LHFPL3: variants seen among roughly 807,000 people sequenced by gnomAD.
LHFPL3 encodes the protein LHFPL tetraspan subfamily member 3 protein.
Under a neutral mutation model 19.3 loss-of-function variants are expected in LHFPL3, and 5 were observed. The observed-to-expected ratio is 0.26, with a 90% CI of 0.14 to 0.54. LHFPL3 has a LOEUF of 0.54. Ranked by LOEUF, LHFPL3 falls within the 20% of genes least tolerant of loss-of-function variation. LHFPL3 has a pLI of 0.94. For missense variants in LHFPL3, 249 were observed against 307.4 expected, an observed-to-expected ratio of 0.81 and a Z score of 1.42; for synonymous variants, 133 against 126.2, an observed-to-expected ratio of 1.05 and a Z score of -0.36.
At chr7:104,449,473 G>A (rs1346039923) in intron 1 of LHFPL3, among the ~76,000 whole-genome samples, 1 of 152,142 alleles carries the variant, frequency 6.6e-6, no homozygotes, top group Non-Finnish European at 1.5e-5. Flanking sequence ...ATTGAAGTGG[G>A]AAATTAAAAT....
At chr7:104,896,505 A>C (rs543463657) in intron 2 of LHFPL3, among the ~76,000 whole-genome samples, 2 of 152,220 alleles carry the variant, frequency 1.3e-5, no homozygotes, top group Non-Finnish European at 2.9e-5. Context: ...AGATAAGAAC[A>C]GTTCAGGAAG....
At chr7:104,537,474 A>T (rs770591882) in intron 1 of LHFPL3, among the ~76,000 whole-genome samples, 9 of 152,094 alleles carry the variant, frequency 5.9e-5, no homozygotes, top group Non-Finnish European at 1.0e-4. Flanking sequence ...CTACTCAATT[A>T]TTATGGGTTC....
intron 1 of LHFPL3, among the ~76,000 whole-genome samples, chr7:104,674,405 T>C (rs944820035): frequency 4.6e-5 from 7 of 150,992 alleles, no homozygotes; most frequent in African/African-American, 1.7e-4. Context: ...ATTTTCGCTC[T>C]GTTGCCAGGC....
At chr7:104,729,342 C>T (rs903568136) in intron 1 of LHFPL3, among the ~76,000 whole-genome samples, 6 of 152,128 alleles carry the variant, frequency 3.9e-5, no homozygotes, top group Admixed American at 3.3e-4. Context: ...TCACCTCATA[C>T]ATTTATCATT....
intron 1 of LHFPL3, among the ~76,000 whole-genome samples, chr7:104,433,084 T>C (rs953428342): frequency 6.6e-6 from 1 of 152,224 alleles, no homozygotes; most frequent in African/African-American, 2.4e-5. Context: ...GACATGTATT[T>C]TTACCTTGTT....
chr7:104,582,804 A>G (rs1428910998), intron 1 of LHFPL3, among the ~76,000 whole-genome samples: 1 of 151,748 alleles, frequency 6.6e-6, no homozygotes, highest in East Asian at 1.9e-4. Flanking sequence ...GTTATAATGC[A>G]TTATCTTTTT....
intron 1 of LHFPL3, among the ~76,000 whole-genome samples, chr7:104,662,199 G>A (rs1792236106): frequency 1.3e-5 from 2 of 152,146 alleles, no homozygotes; most frequent in African/African-American, 4.8e-5. Flanking sequence ...ACAAATAAGG[G>A]GGAGACTACC....
At chr7:104,815,701 C>G (rs545680595) in intron 2 of LHFPL3, among the ~76,000 whole-genome samples, 1 of 152,228 alleles carries the variant, frequency 6.6e-6, no homozygotes, top group Non-Finnish European at 1.5e-5. Flanking sequence ...TTTAAGTCAG[C>G]CCAGATCTCC....
chr7:104,870,208 T>C (rs144291016), intron 2 of LHFPL3, among the ~76,000 whole-genome samples: 3,905 of 152,232 alleles, frequency 0.026, 85 homozygotes, highest in Middle Eastern at 0.061. Context: ...AACCTGCATG[T>C]TGTGCACATG....
intron 1 of LHFPL3, among the ~76,000 whole-genome samples, chr7:104,358,833 T>A (rs2116404580): frequency 6.6e-6 from 1 of 152,348 alleles, no homozygotes; most frequent in East Asian, 1.9e-4. Flanking sequence ...GCTGGATCTT[T>A]ATTGAGAGCT....
intron 1 of LHFPL3, among the ~76,000 whole-genome samples, chr7:104,446,892 C>A (rs1172786881): frequency 1.3e-5 from 2 of 152,230 alleles, no homozygotes; most frequent in Admixed American, 1.3e-4. Context: ...GATCTTAGCA[C>A]CTTTAGTCTG....
intron 1 of LHFPL3, among the ~76,000 whole-genome samples, chr7:104,713,065 G>A (rs995063509): frequency 6.6e-6 from 1 of 152,074 alleles, no homozygotes; most frequent in Non-Finnish European, 1.5e-5. Context: ...TCAGTACCAA[G>A]GCCTAGATCA....
At chr7:104,905,888 A>G (rs1792589581) in intron 2 of LHFPL3, among the ~76,000 whole-genome samples, 1 of 152,246 alleles carries the variant, frequency 6.6e-6, no homozygotes, top group African/African-American at 2.4e-5. Context: ...CAGAAAAGTC[A>G]GTGATACTTG....
At chr7:104,838,147 A>G (rs949742779) in intron 2 of LHFPL3, among the ~76,000 whole-genome samples, 1 of 152,166 alleles carries the variant, frequency 6.6e-6, no homozygotes, top group African/African-American at 2.4e-5. Context: ...TTGGTTCTCA[A>G]CTGGAGGGAT....
chr7:104,430,013 T>A (rs1212639781), intron 1 of LHFPL3, among the ~76,000 whole-genome samples: 1 of 152,134 alleles, frequency 6.6e-6, no homozygotes, highest in Non-Finnish European at 1.5e-5. Context: ...CAATGGCTCC[T>A]CAAACCGCTC....
intron 1 of LHFPL3, among the ~76,000 whole-genome samples, chr7:104,593,394 G>T (rs1279990870): frequency 1.3e-5 from 2 of 152,170 alleles, no homozygotes; most frequent in South Asian, 4.2e-4. Flanking sequence ...TTGCACTGTG[G>T]TCTGAGAGAC....
intron 1 of LHFPL3, among the ~76,000 whole-genome samples, chr7:104,627,327 G>A (rs1024780712): frequency 3.3e-5 from 5 of 152,106 alleles, no homozygotes; most frequent in African/African-American, 1.2e-4. Context: ...AGGCTGAACA[G>A]CATTTCATTG....
intron 1 of LHFPL3, among the ~76,000 whole-genome samples, chr7:104,362,874 G>T (rs1247411468): frequency 6.6e-6 from 1 of 152,212 alleles, no homozygotes; most frequent in Admixed American, 6.5e-5. Context: ...CAGTTCCTGG[G>T]TGGGAGCTAC....
intron 1 of LHFPL3, among the ~76,000 whole-genome samples, chr7:104,411,722 G>T (rs1232501992): frequency 6.6e-6 from 1 of 152,008 alleles, no homozygotes; most frequent in African/African-American, 2.4e-5. Context: ...GCACATACAC[G>T]AAAAGAAGTT....
Sources: gnomAD v4.1 joint callset for allele counts (sites outside exome capture counted in the v4.1 genomes callset) on GRCh38, gnomAD v4.1.1 for gene constraint, MANE v1.5 for transcripts, NCBI Gene and HGNC (gene_info 2026-07-23, HGNC 2026-07-21) for gene names.